Variants in HHAT observed in about 807,000 individuals in gnomAD.
HHAT encodes protein-cysteine N-palmitoyltransferase HHAT.
Under a neutral mutation model 70.8 loss-of-function variants are expected in HHAT, and 47 were observed. The observed-to-expected ratio is 0.66, with a 90% confidence interval of 0.53 to 0.85. The LOEUF (loss-of-function observed/expected upper bound fraction) is 0.85. Ranked by LOEUF, HHAT falls within the 40% of genes least tolerant of loss-of-function variation. The probability of loss-of-function intolerance (pLI) is 0.00; values close to 1 mark genes in which losing one functional copy is unlikely to be tolerated. For missense variants in HHAT, 609 were observed against 604.8 expected (o/e 1.01, Z -0.07); for synonymous variants, 228 against 247.6 (o/e 0.92, Z 0.74).
chr1:210,641,806 A>C (rs559820509), intron 11 of HHAT, among the ~76,000 whole-genome samples: 1 of 152,256 alleles, frequency 6.6e-6, no homozygotes, highest in South Asian at 2.1e-4. Context: ...ACACCCATCC[A>C]CATCTAGTGT....
At chr1:210,669,733 C>T (rs1291711975) in intron 11 of HHAT, among the ~76,000 whole-genome samples, 1 of 152,224 alleles carries the variant, frequency 6.6e-6, no homozygotes, top group Non-Finnish European at 1.5e-5. Flanking sequence ...TCTGGGGACC[C>T]AGCCTTGAAT....
chr1:210,560,897 T>C (rs17016448), intron 9 of HHAT, among the ~76,000 whole-genome samples: 8,907 of 150,284 alleles, frequency 0.059, 857 homozygotes, highest in African/African-American at 0.2. Context: ...TTCTTTTTGA[T>C]TTTAAAGACC....
intron 1 of HHAT, among the ~76,000 whole-genome samples, chr1:210,338,707 G>A (rs2357434): frequency 6.6e-6 from 1 of 152,116 alleles, no homozygotes; most frequent in Non-Finnish European, 1.5e-5. Flanking sequence ...CAGCAAAGCT[G>A]GAATTCAATC....
intron 8 of HHAT, among the ~76,000 whole-genome samples, chr1:210,478,726 C>A (rs1454171049): frequency 6.6e-6 from 1 of 152,156 alleles, no homozygotes; most frequent in Non-Finnish European, 1.5e-5. Context: ...CAAGTAGGGA[C>A]AGGACCTGCC....
chr1:210,560,814 T>TAAAAAAAAAAA lies in HHAT; in HGVS notation c.1044-27057_1044-27047dup, dbSNP rs60192211. On this transcript the variant is annotated intron_variant, in intron 9 of 11. Coordinates refer to ENST00000261458, the MANE Select transcript of HHAT (RefSeq NM_018194.6). ...GGTGACAAAGTGAGACCCTGTGTCT[T>TAAAAAAAAAAA]AAAAAAAAAAAAAAAAAAAAAAAAA... Among the ~76,000 whole-genome samples the TAAAAAAAAAAA allele has an allele frequency of 8.4e-4, 24 of 28,514 alleles. 2 individuals carry two copies. Among genetic ancestry groups the TAAAAAAAAAAA allele is most frequent in the Non-Finnish European group, 2.1e-3 (22 of 10,504 alleles). The allele number at this position is 28,514 out of a possible 152,430, so 18.7% of individuals were successfully genotyped here. A position where few individuals can be genotyped will look rare whatever the true frequency, so the allele number is the denominator to read the frequency against.
chr1:210,615,994 C>T (rs1667646241), intron 10 of HHAT, among the ~76,000 whole-genome samples: 1 of 152,166 alleles, frequency 6.6e-6, no homozygotes, highest in Non-Finnish European at 1.5e-5. Context: ...CACCCATCTT[C>T]TGCTATACTC....
chr1:210,535,526 G>A (rs1345155663), intron 9 of HHAT, among the ~76,000 whole-genome samples: 1 of 151,818 alleles, frequency 6.6e-6, no homozygotes, highest in Non-Finnish European at 1.5e-5. Flanking sequence ...AATCCCTTTG[G>A]ATGGGGGAGA....
chr1:210,615,945 C>T (rs1244958649), intron 10 of HHAT, among the ~76,000 whole-genome samples: 1 of 152,146 alleles, frequency 6.6e-6, no homozygotes, highest in East Asian at 1.9e-4. Context: ...GCTGGGAGAA[C>T]CACTACTCTC....
intron 6 of HHAT, among the ~76,000 whole-genome samples, chr1:210,410,681 C>T (rs944291894): frequency 6.6e-6 from 1 of 152,006 alleles, no homozygotes; most frequent in Non-Finnish European, 1.5e-5. Context: ...CACCTGCCAC[C>T]ACGCCCAGCT....
chr1:210,654,821 C>T (rs1249732527), intron 11 of HHAT, among the ~76,000 whole-genome samples: 1 of 152,182 alleles, frequency 6.6e-6, no homozygotes, highest in Non-Finnish European at 1.5e-5. Flanking sequence ...GTACTCCTCC[C>T]AAGGGTGATG....
intron 11 of HHAT, among the ~76,000 whole-genome samples, chr1:210,641,070 T>G (rs1053163330): frequency 2.0e-5 from 3 of 152,182 alleles, no homozygotes; most frequent in African/African-American, 7.2e-5. Context: ...ACCTTGTTCT[T>G]TAGGGTACGA....
chr1:210,352,643 G>C (rs1198641265), intron 2 of HHAT, among the ~76,000 whole-genome samples: 1 of 152,202 alleles, frequency 6.6e-6, no homozygotes. Flanking sequence ...ATCAGCAGTA[G>C]TGGGGTTGTC....
At chr1:210,626,182 G>A (rs2148880196) in intron 11 of HHAT, among the ~76,000 whole-genome samples, 1 of 152,300 alleles carries the variant, frequency 6.6e-6, no homozygotes, top group Non-Finnish European at 1.5e-5. Context: ...AGAAACCCCA[G>A]GGAATGCTGG....
intron 8 of HHAT, among the ~76,000 whole-genome samples, chr1:210,493,256 A>G (rs1395272470): frequency 6.6e-6 from 1 of 151,944 alleles, no homozygotes. Context: ...GTGCATGTAT[A>G]TATACATACA....
At chr1:210,331,514 C>T (rs1025701467) in intron 1 of HHAT, among the ~76,000 whole-genome samples, 1 of 152,226 alleles carries the variant, frequency 6.6e-6, no homozygotes, top group Non-Finnish European at 1.5e-5. Context: ...AGTTGGTCCT[C>T]TTCTAGCATG....
At chr1:210,421,536 C>G (rs1358305837) in intron 7 of HHAT, among the ~76,000 whole-genome samples, 1 of 152,198 alleles carries the variant, frequency 6.6e-6, no homozygotes, top group Non-Finnish European at 1.5e-5. Context: ...ACCTCCACCT[C>G]CTGAGTTGAA....
intron 3 of HHAT, among the ~76,000 whole-genome samples, chr1:210,383,266 G>C (rs2090789835): frequency 6.6e-6 from 1 of 152,186 alleles, no homozygotes; most frequent in Non-Finnish European, 1.5e-5. Context: ...CTTGAGCCTG[G>C]GAGGCAGAGA....
chr1:210,387,654 G>A, intron 4 of HHAT, 73 bp downstream of exon 4: 5 of 1,148,954 alleles, frequency 4.4e-6, no homozygotes. Context: ...GTCCAAGCTA[G>A]GAATCGGAAG....
chr1:210,396,140 G>A (rs1414877887), intron 4 of HHAT, among the ~76,000 whole-genome samples: 2 of 151,948 alleles, frequency 1.3e-5, no homozygotes, highest in African/African-American at 2.4e-5. Flanking sequence ...TGTCTCCACT[G>A]CTGTAAAAAT....
Sources: allele counts gnomAD v4.1 joint callset (sites outside exome capture counted in the v4.1 genomes callset), GRCh38; gene constraint gnomAD v4.1.1; transcripts MANE v1.5; gene names NCBI Gene and HGNC (gene_info 2026-07-23, HGNC 2026-07-21).